The following ZNF396 variants were observed in gnomAD, a reference collection of about 807,000 sequenced individuals.
ZNF396 encodes zinc finger protein 396, also known as zinc finger and SCAN domain-containing protein 14.
Under a neutral mutation model 20.5 loss-of-function variants are expected in ZNF396, and 14 were observed. The observed-to-expected ratio is 0.68, with a 90% CI of 0.45 to 1.07. The LOEUF is 1.07. Ranked by LOEUF, ZNF396 falls within the 50% of genes least tolerant of loss-of-function variation. ZNF396 has a pLI of 0.00. For missense variants in ZNF396, 347 were observed against 390.1 expected (o/e 0.89, Z 0.93); for synonymous variants, 119 against 140.6 (o/e 0.85, Z 1.08).
chr18:35,374,231 C>G lies in ZNF396; in HGVS notation c.62G>C (p.Gly21Ala). The G allele has an allele frequency of 6.2e-7, 1 of 1,614,180 alleles. No homozygotes were observed. The highest frequency in any genetic ancestry group is 1.3e-5 in the African/African-American group (1 of 75,034). Residue 21 changes from glycine (G) to alanine (A), a missense_variant, in exon 2 of 4, where the codon GGG becomes GCG. Transcript: ENST00000589332. This position sits in a 1 kb window ranked among gnomAD's most constrained non-coding sequence, Gnocchi z 4.3. ...LLTQTSEECNGILTEKMEEEE... is the reference protein window; with the variant it reads ...LLTQTSEECNAILTEKMEEEE... ...CTCTTCCATCTTCTCTGTCAGAATC[C>G]CATTACACTCCTCTGAAGTTTGTGT...
At chr18:35,369,747 C>T in intron 3 of ZNF396, 87 bp from the exon 4 acceptor site, 1 of 1,327,692 alleles carries the variant, frequency 7.5e-7, no homozygotes, top group East Asian at 2.3e-5. Context: ...GTTTATAAAA[C>T]AACACACAAT....
At position 35,370,714 on chromosome 18, in the gene ZNF396, C is replaced by T. The variant is rs138520836; in HGVS notation, c.563-1054G>A. On this transcript the variant is annotated intron_variant, in intron 3 of 3. Transcript: ENST00000589332. ...TTTTTTAGTAGAGACGGGGTTTCACCGTTTTAGCCGGGATGGTCTCGATCT... is the reference window on the plus strand; with the variant it reads ...TTTTTTAGTAGAGACGGGGTTTCACTGTTTTAGCCGGGATGGTCTCGATCT... Among the ~76,000 whole-genome samples the T allele has an allele frequency of 7.6e-3, 1,151 of 151,434 alleles. 7 individuals carry two copies. The highest frequency in any genetic ancestry group is 0.034 in the Middle Eastern group (10 of 294).
chr18:35,371,660 T>C (rs2045182301), intron 3 of ZNF396, among the ~76,000 whole-genome samples: 1 of 152,170 alleles, frequency 6.6e-6, no homozygotes, highest in South Asian at 2.1e-4. Flanking sequence ...GATCACCAAT[T>C]AACCCATTAA....
rs1598697354 is a variant in ZNF396, at chr18:35,367,018, T to C, written c.*2197A>G. 6.6e-6 allele frequency: 1 copy of C among 152,204 alleles called. No individual in the cohort carries two copies. The highest frequency in any genetic ancestry group is 6.5e-5 in the Admixed American group (1 of 15,284). The allele number at this position is 152,204 out of a possible 1,614,324, so 9.4% of individuals were successfully genotyped here. On this transcript the variant is annotated 3_prime_UTR_variant, in exon 4 of 4. Coordinates refer to ENST00000589332, the MANE Select transcript of ZNF396 (RefSeq NM_001322286.2). Reference sequence around the variant, plus strand: ...TTCCTTCAAAATACTTGATTTAGATTCTGCCATCTTATTCACATAGAACCT... The same window carrying C: ...TTCCTTCAAAATACTTGATTTAGATCCTGCCATCTTATTCACATAGAACCT...
rs1434806648 is a variant in ZNF396, at chr18:35,368,679, T to C, written c.*536A>G. The C allele has an allele frequency of 2.3e-6, 2 of 872,088 alleles. No homozygotes were observed. Among genetic ancestry groups the C allele is most frequent in the Non-Finnish European group, 2.8e-6 (2 of 725,688 alleles). The allele number at this position is 872,088 out of a possible 1,614,324, so 54.0% of individuals were successfully genotyped here. On this transcript the variant is annotated 3_prime_UTR_variant, in exon 4 of 4. Coordinates refer to ENST00000589332, the MANE Select transcript of ZNF396 (RefSeq NM_001322286.2). ...GTTGTCCAGGCTGGTCTTGAACTCC[T>C]GAGTTCAGGCAATCTGCCTGCCTCG...
chr18:35,372,544 AGAAG>A (rs1225971610), intron 3 of ZNF396: 1 of 152,148 alleles, frequency 6.6e-6, no homozygotes, highest in Non-Finnish European at 1.5e-5. Flanking sequence ...AGTGCTGGAG[AGAAG>A]GAAGGAGATG....
intron 3 of ZNF396, 118 bp downstream of exon 3, chr18:35,373,338 C>T: frequency 8.2e-7 from 1 of 1,221,390 alleles, no homozygotes; most frequent in Non-Finnish European, 1.1e-6. Context: ...GAAGTTCCCA[C>T]AGTAAGGAGG....
Position 35,368,482 on chromosome 18 carries a change from T to TCTTATTTATTTATTTA in ZNF396, c.*732_*733insTAAATAAATAAATAAG. 3.0e-6 allele frequency: 1 copy of TCTTATTTATTTATTTA among 338,396 alleles called. No individual in the cohort carries two copies. Among genetic ancestry groups the TCTTATTTATTTATTTA allele is most frequent in the Non-Finnish European group, 5.0e-6 (1 of 199,984 alleles). The allele number at this position is 338,396 out of a possible 1,614,324, so 21.0% of individuals were successfully genotyped here. Reference sequence around the variant, plus strand: ...AGACAAAATAGGAATTTATTTTTATTTTTATTTATTTATTTATTTATTTAT... The same window carrying TCTTATTTATTTATTTA: ...AGACAAAATAGGAATTTATTTTTATTCTTATTTATTTATTTATTTATTTATTTATTTATTTATTTAT... On this transcript the variant is annotated 3_prime_UTR_variant, in exon 4 of 4. Transcript: ENST00000589332.
chr18:35,373,950 G>T lies in ZNF396; in HGVS notation c.343C>A (p.His115Asn), dbSNP rs1485275614. 1 of 1,614,224 alleles carries T rather than the reference G, an allele frequency of 6.2e-7. No homozygotes were observed. Among genetic ancestry groups the T allele is most frequent in the Non-Finnish European group, 8.5e-7 (1 of 1,180,034 alleles). The change falls in exon 2 of 4, where the codon CAT becomes AAT. Residue 115 changes from histidine to asparagine, a missense_variant. Transcript: ENST00000589332. ...GTTTCCTCTCCATTCTCTGGATGAT[G>T]CTTCTGCACCCAGGCCTGAAGCTCT... ...PKELQAWVQKHHPENGEETVT... is the reference protein window; with the variant it reads ...PKELQAWVQKNHPENGEETVT...
chr18:35,375,669 G>T (rs1461617636), intron 1 of ZNF396, among the ~76,000 whole-genome samples: 1 of 152,056 alleles, frequency 6.6e-6, no homozygotes, highest in Non-Finnish European at 1.5e-5. Flanking sequence ...AACAAAGTTG[G>T]GGGGGGACGG....
At chr18:35,373,383 A>C (rs1433444134) in intron 3 of ZNF396, 73 bp downstream of exon 3, 4 of 1,522,092 alleles carry the variant, frequency 2.6e-6, no homozygotes, top group Non-Finnish European at 3.5e-6. Context: ...CTCTTGCATA[A>C]ATCAGCTGAG....
At position 35,374,309 on chromosome 18, in the gene ZNF396, C is replaced by T. The variant is rs773698702; in HGVS notation, c.-17G>A. On this transcript the variant is annotated 5_prime_UTR_variant, in exon 2 of 4. Coordinates refer to ENST00000589332, the MANE Select transcript of ZNF396 (RefSeq NM_001322286.2). The surrounding 1 kb of genome is among the most constrained non-coding windows in gnomAD (Gnocchi z 4.3). ...TGCAGACATTTTGACAGACAAATAG[C>T]TCAGTACTGTTAGGCTTTAATCCTC... The T allele has an allele frequency of 3.1e-6, 5 of 1,607,628 alleles. No individual in the cohort carries two copies. Among genetic ancestry groups the T allele is most frequent in the Non-Finnish European group, 4.2e-6 (5 of 1,177,762 alleles).
At chr18:35,373,125 G>C in intron 3 of ZNF396, 1 of 332,520 alleles carries the variant, frequency 3.0e-6, no homozygotes, top group Non-Finnish European at 5.4e-6. Flanking sequence ...ATGATGATGA[G>C]GATCAGTGGT....
Position 35,374,008 on chromosome 18 carries a change from C to T in ZNF396, c.285G>A (p.Leu95=), listed in dbSNP as rs1157226294. The part of the protein sequence containing the change: ...VHTKEQILEL[L]VLEQFLAILP... The stretch of plus-strand genomic sequence containing the variant: ...GGATGGCCAGGAACTGCTCCAGCAC[C>T]AGCAGCTCCAGGATCTGCTCCTTGG... Residue 95 remains leucine, a synonymous_variant, in exon 2 of 4, where the codon CTG becomes CTA. Coordinates refer to ENST00000589332, the MANE Select transcript of ZNF396 (RefSeq NM_001322286.2). This position sits in a 1 kb window ranked among gnomAD's most constrained non-coding sequence, Gnocchi z 4.3. The T allele has an allele frequency of 6.2e-7, 1 of 1,614,246 alleles. No individual in the cohort carries two copies. The highest frequency in any genetic ancestry group is 1.1e-5 in the South Asian group (1 of 91,088).
chr18:35,368,088 T>G lies in ZNF396; in HGVS notation c.*1127A>C. ...GACAACACTTGTGGTACATCAGTCT[T>G]GTTTGACAATTTTGTTCATCTCCCT... is the stretch of plus-strand genomic sequence containing the variant. On this transcript the variant is annotated 3_prime_UTR_variant, in exon 4 of 4. Coordinates refer to ENST00000589332, the MANE Select transcript of ZNF396 (RefSeq NM_001322286.2). The G allele has an allele frequency of 4.7e-6, 1 of 214,580 alleles. No homozygotes were observed. Among genetic ancestry groups the G allele is most frequent in the East Asian group, 9.2e-5 (1 of 10,920 alleles). 13.3% of individuals were successfully genotyped at this position (214,580 alleles called of 1,614,324 possible).
At position 35,374,300 on chromosome 18, in the gene ZNF396, G is replaced by A. The variant is rs1418477502; in HGVS notation, c.-8C>T. ...TCCCAATTTTGCAGACATTTTGACA[G>A]ACAAATAGCTCAGTACTGTTAGGCT... On this transcript the variant is annotated 5_prime_UTR_variant, in exon 2 of 4. Transcript: ENST00000589332. The surrounding 1 kb of genome is among the most constrained non-coding windows in gnomAD (Gnocchi z 4.3). 1.2e-5 allele frequency: 20 copies of A among 1,611,196 alleles called. No homozygotes were observed. Among genetic ancestry groups the A allele is most frequent in the Middle Eastern group, 3.3e-4 (2 of 6,020 alleles).
chr18:35,375,351 T>G (rs1318668590), intron 1 of ZNF396, among the ~76,000 whole-genome samples: 2 of 152,014 alleles, frequency 1.3e-5, no homozygotes, highest in Non-Finnish European at 2.9e-5. Flanking sequence ...TGAATGTATT[T>G]CTATTTTTTT....
At position 35,369,258 on chromosome 18, in the gene ZNF396, A is replaced by T. The variant is rs766963640; in HGVS notation, c.965T>A (p.Leu322His). The T allele has an allele frequency of 3.2e-5, 51 of 1,608,460 alleles. No homozygotes were observed. The highest frequency in any genetic ancestry group is 4.2e-5 in the Non-Finnish European group (49 of 1,178,140). ...AATGTGTCTTTTCCTATGTCTAAAA[A>T]GATTTGAGCTCTGACTAAAGGCTTT... ...CGKAFSQSSN[L>H]FRHRKRHIRK... Residue 322 changes from leucine (L) to histidine (H), a missense_variant, in exon 4 of 4, where the codon CTT (leucine) becomes CAT (histidine). Transcript: ENST00000589332.
chr18:35,367,353 T>C lies in ZNF396; in HGVS notation c.*1862A>G, dbSNP rs1259021695. On this transcript the variant is annotated 3_prime_UTR_variant, in exon 4 of 4. Coordinates refer to ENST00000589332, the MANE Select transcript of ZNF396 (RefSeq NM_001322286.2). Reference sequence around the variant, plus strand: ...TGTGGTAATTCCACATATTTGGAGCTCCTCTAAGCCAGTTTCTGGAGATAC... The same window carrying C: ...TGTGGTAATTCCACATATTTGGAGCCCCTCTAAGCCAGTTTCTGGAGATAC... 2 of 152,232 alleles carry C rather than the reference T, an allele frequency of 1.3e-5. No homozygotes were observed. The highest frequency in any genetic ancestry group is 4.8e-5 in the African/African-American group (2 of 41,464). The allele number at this position is 152,232 out of a possible 1,614,324, so 9.4% of individuals were successfully genotyped here.
Sources: allele counts gnomAD v4.1 joint callset (sites outside exome capture counted in the v4.1 genomes callset), GRCh38; gene constraint gnomAD v4.1.1; non-coding constraint Gnocchi (gnomAD v3.1); transcripts MANE v1.5; gene names NCBI Gene and HGNC (gene_info 2026-07-23, HGNC 2026-07-21).